GTPBP4: variants seen among roughly 807,000 people sequenced by gnomAD.
GTPBP4 encodes the protein GTP binding protein 4.
GTPBP4 carries 15 observed loss-of-function variants against 81.7 expected under a neutral mutation model. That is an observed-to-expected ratio of 0.18 (90% CI 0.12 to 0.28). The LOEUF (loss-of-function observed/expected upper bound fraction) is 0.28, where lower values mean the gene tolerates loss of function less well. Ranked by LOEUF, GTPBP4 falls within the 10% of genes least tolerant of loss-of-function variation. GTPBP4 has a pLI of 1.00. For missense variants in GTPBP4, 847 were observed against 793.8 expected, an observed-to-expected ratio of 1.07 and a Z score of -0.81; for synonymous variants, 272 against 274.6, an observed-to-expected ratio of 0.99 and a Z score of 0.09.
At chr10:993,444 A>G (rs1203333888) in intron 2 of GTPBP4, among the ~76,000 whole-genome samples, 1 of 152,128 alleles carries the variant, frequency 6.6e-6, no homozygotes, top group Non-Finnish European at 1.5e-5. Context: ...ATGGGGTTTC[A>G]CCATGTTGGC....
chr10:992,591 G>A lies in GTPBP4; in HGVS notation c.151G>A (p.Val51Ile). 6.2e-7 allele frequency: 1 copy of A among 1,603,390 alleles called. No individual in the cohort carries two copies. The highest frequency in any genetic ancestry group is 8.5e-7 in the Non-Finnish European group (1 of 1,170,712). Residue 51 changes from valine (V) to isoleucine (I), a missense_variant, in exon 2 of 17, where the codon GTC becomes ATC. By Grantham distance (29) the Val-to-Ile change is conservative. Transcript: ENST00000360803. ...HRIRHFYMRK[V>I]KFTQQNYHDR... ...CATTAGACATTTTTACATGAGAAAA[G>A]TCAAATTTACTCAACAGAATTACCA...
intron 13 of GTPBP4, among the ~76,000 whole-genome samples, chr10:1,010,958 C>T (rs1338908245): frequency 6.8e-6 from 1 of 146,646 alleles, no homozygotes; most frequent in African/African-American, 2.6e-5. Flanking sequence ...CCTCTTCATT[C>T]TCCTGCACCC....
rs139607943 is a variant in GTPBP4 at position 1,019,802 on chromosome 10, G to T, written c.*2575G>T. On this transcript the variant is annotated 3_prime_UTR_variant, in exon 17 of 17. Coordinates refer to ENST00000360803, the MANE Select transcript of GTPBP4 (RefSeq NM_012341.3). ...TGTCTGATTTTGCCTTGTGGTGATAGATTGTCATGAACACAATGTCCTCTG... is the reference window on the plus strand; with the variant it reads ...TGTCTGATTTTGCCTTGTGGTGATATATTGTCATGAACACAATGTCCTCTG... The T allele has an allele frequency of 1.2e-6, 2 of 1,613,872 alleles. No homozygotes were observed. Among genetic ancestry groups the T allele is most frequent in the Non-Finnish European group, 1.7e-6 (2 of 1,179,896 alleles).
chr10:1,012,711 G>A (rs1831901453), intron 14 of GTPBP4, 49 bp downstream of exon 14: 3 of 1,337,076 alleles, frequency 2.2e-6, no homozygotes, highest in Non-Finnish European at 2.1e-6. Flanking sequence ...TTGAAAATTG[G>A]ATTCCTGTGT....
chr10:999,775 A>G (rs1268404655), intron 6 of GTPBP4, among the ~76,000 whole-genome samples: 1 of 152,210 alleles, frequency 6.6e-6, no homozygotes, highest in East Asian at 1.9e-4. Flanking sequence ...CCTGGCCAAC[A>G]TGGCGAAACC....
chr10:998,854 G>C (rs1471563829), intron 5 of GTPBP4, 149 bp from the exon 6 acceptor site: 7 of 598,732 alleles, frequency 1.2e-5, no homozygotes, highest in Non-Finnish European at 2.1e-5. Flanking sequence ...TGCAAAGGGA[G>C]AGGTACCAGG....
intron 2 of GTPBP4, among the ~76,000 whole-genome samples, chr10:995,120 A>G (rs919793835): frequency 3.3e-5 from 5 of 152,186 alleles, no homozygotes; most frequent in Non-Finnish European, 1.5e-5. Flanking sequence ...GAGATATCTC[A>G]GGAGATGCTG....
chr10:1,011,929 G>A (rs550052002), intron 13 of GTPBP4, among the ~76,000 whole-genome samples: 6 of 152,332 alleles, frequency 3.9e-5, no homozygotes, highest in South Asian at 2.1e-4. Context: ...CCTGGCCCCC[G>A]TCTCACCCTC....
intron 14 of GTPBP4, among the ~76,000 whole-genome samples, chr10:1,012,987 C>CT (rs1474663769): frequency 6.6e-6 from 1 of 151,838 alleles, no homozygotes; most frequent in Non-Finnish European, 1.5e-5. Flanking sequence ...TTCTCTCTCT[C>CT]TTTTTTTTAG....
intron 8 of GTPBP4, 117 bp from the exon 9 acceptor site, chr10:1,005,701 C>A: frequency 1.5e-6 from 1 of 667,550 alleles, no homozygotes. Flanking sequence ...TTTTTTAAGA[C>A]TTTGAAACAA....
chr10:1,014,252 G>C lies in GTPBP4; in HGVS notation c.1548G>C (p.Gln516His), dbSNP rs138824875. 5.6e-6 allele frequency: 9 copies of C among 1,595,266 alleles called. No homozygotes were observed. Among genetic ancestry groups the C allele is most frequent in the Admixed American group, 1.7e-5 (1 of 59,940 alleles). ...PRMPRTAKKV[Q>H]RTVLEKEMRS... ...TTTCTTTTTATCCTTCTCAGGTTCA[G>C]AGGACAGTTTTGGAGAAGGAGATGC... is the stretch of plus-strand genomic sequence containing the variant. The change falls in exon 15 of 17, where the codon CAG (glutamine) becomes CAC (histidine). Residue 516 changes from glutamine to histidine, a missense_variant. This residue lies in a region of GTPBP4 where 600 missense variants were observed against 557.1 expected (regional missense o/e 1.08). Transcript: ENST00000360803.
At chr10:996,057 CTT>C (rs1197319534) in intron 3 of GTPBP4, 25 bp downstream of exon 3, 2 of 1,584,200 alleles carry the variant, frequency 1.3e-6, no homozygotes, top group East Asian at 2.2e-5. Context: ...TCTGTAGTGT[CTT>C]TTAAGTTATC....
intron 15 of GTPBP4, among the ~76,000 whole-genome samples, chr10:1,014,749 CTT>C (rs1445314627): frequency 6.6e-6 from 1 of 152,086 alleles, no homozygotes; most frequent in African/African-American, 2.4e-5. Flanking sequence ...CAGTTTTTCT[CTT>C]TTGAGATTCG....
chr10:998,257 AC>A (rs1356934540), intron 5 of GTPBP4, among the ~76,000 whole-genome samples: 1 of 151,634 alleles, frequency 6.6e-6, no homozygotes, highest in East Asian at 1.9e-4. Context: ...ACGCCACCGC[AC>A]CTGTTTAATT....
At chr10:1,006,045 C>CGA in intron 9 of GTPBP4, 138 bp downstream of exon 9, 1 of 575,198 alleles carries the variant, frequency 1.7e-6, no homozygotes, top group Non-Finnish European at 3.1e-6. Context: ...GGGTGGCGTG[C>CGA]GAGAGTGGGG....
chr10:997,119 A>C, intron 4 of GTPBP4, 89 bp from the exon 5 acceptor site: 1 of 795,844 alleles, frequency 1.3e-6, no homozygotes, highest in Non-Finnish European at 2.2e-6. Context: ...ATATCACCAT[A>C]GGCCTGGACT....
At chr10:998,341 C>T (rs1220045124) in intron 5 of GTPBP4, among the ~76,000 whole-genome samples, 1 of 152,196 alleles carries the variant, frequency 6.6e-6, no homozygotes, top group Admixed American at 6.5e-5. Flanking sequence ...CTCAAGCCAT[C>T]CTCCTGCCTC....
In GTPBP4 at chr10:988,597, G is replaced by T. The variant is rs878923265; in HGVS notation, c.48+70G>T. On this transcript the variant is annotated intron_variant, in intron 1 of 16. Coordinates refer to ENST00000360803, the MANE Select transcript of GTPBP4 (RefSeq NM_012341.3). ...AGCTGGGTCCCCGGGGAGGGTCCGG[G>T]CCTGTAGCCGTGGGAGAGCGGTCGC... 90 of 1,227,924 alleles carry T rather than the reference G, an allele frequency of 7.3e-5. No individual in the cohort carries two copies. The South Asian group carries it at 1.1e-3, about 14-fold the overall frequency. 76.1% of individuals were successfully genotyped at this position (1,227,924 alleles called of 1,614,324 possible). A position where few individuals can be genotyped will look rare whatever the true frequency, so the allele number is the denominator to read the frequency against.
rs779370468 is a variant in GTPBP4 at position 1,009,072 on chromosome 10, G to T, written c.1191+37G>T. On this transcript the variant is annotated intron_variant, in intron 11 of 16. Transcript: ENST00000360803. ...AAGCTCTCGCCCAGTGTTCTCATGG[G>T]GGGAGGCAGGCTGTGTGTGCCCATC... is the stretch of plus-strand genomic sequence containing the variant. 23 of 1,469,346 alleles carry T rather than the reference G, an allele frequency of 1.6e-5. 1 individual carries two copies. In the South Asian group the frequency reaches 1.8e-4, roughly 12 times the overall value. 91.0% of individuals were successfully genotyped at this position (1,469,346 alleles called of 1,614,324 possible).
Sources: allele counts gnomAD v4.1 joint callset (sites outside exome capture counted in the v4.1 genomes callset), GRCh38; gene constraint gnomAD v4.1.1; regional missense constraint gnomAD v4.1.1; transcripts MANE v1.5; gene names NCBI Gene and HGNC (gene_info 2026-07-23, HGNC 2026-07-21).